The following SLC2A14 variants were observed in gnomAD, a reference collection of about 807,000 sequenced individuals.
SLC2A14 encodes solute carrier family 2, facilitated glucose transporter member 14.
Under a neutral mutation model 43.0 loss-of-function variants are expected in SLC2A14, and 13 were observed. That is an observed-to-expected ratio of 0.30 (90% CI 0.20 to 0.48). SLC2A14 has a LOEUF of 0.48. SLC2A14 is among the 20% of genes least tolerant of loss of function. The pLI is 0.99. For missense variants in SLC2A14, 428 were observed against 620.4 expected (o/e 0.69, Z 3.29); for synonymous variants, 190 against 233.8 (o/e 0.81, Z 1.71).
chr12:7,823,784 T>A lies in SLC2A14; in HGVS notation c.865-2459A>T, dbSNP rs1011674826. Among the ~76,000 whole-genome samples the A allele has an allele frequency of 9.9e-5, 15 of 152,204 alleles. No homozygotes were observed. In the East Asian group the frequency reaches 2.5e-3, roughly 26 times the overall value. On this transcript the variant is annotated intron_variant, in intron 7 of 10. Transcript: ENST00000431042. ...ACCTCAAGTTAACAAGGGAACATTATCTAGGTTACCCAGGTTCACTTCAGT... is the reference window on the plus strand; with the variant it reads ...ACCTCAAGTTAACAAGGGAACATTAACTAGGTTACCCAGGTTCACTTCAGT...
chr12:7,829,410 A>G (rs1864799971), intron 5 of SLC2A14, among the ~76,000 whole-genome samples: 1 of 151,724 alleles, frequency 6.6e-6, no homozygotes, highest in Non-Finnish European at 1.5e-5. Context: ...AAATACAAAA[A>G]TTAGCTGGAC....
At chr12:7,846,046 T>C (rs1047049991) in intron 2 of SLC2A14, among the ~76,000 whole-genome samples, 34 of 151,932 alleles carry the variant, frequency 2.2e-4, no homozygotes, top group African/African-American at 8.2e-4. Flanking sequence ...AGAGCTGAGA[T>C]GGTGCCACTG....
Position 7,818,398 on chromosome 12 carries a change from C to T in SLC2A14, c.1072-364G>A, listed in dbSNP as rs773605748. 2.2e-3 allele frequency among the ~76,000 whole-genome samples: 331 copies of T among 152,266 alleles called. 2 individuals carry two copies. Among genetic ancestry groups the T allele is most frequent in the African/African-American group, 7.1e-3 (297 of 41,566 alleles). ...TTTTTTGGCTGGGCACTGTGGCTCA[C>T]GCCTATAGTCCCAGCACTTTGGGAG... On this transcript the variant is annotated intron_variant, in intron 9 of 10. Coordinates refer to ENST00000431042, the MANE Select transcript of SLC2A14 (RefSeq NM_001286234.2).
chr12:7,844,430 A>G (rs772922816), intron 2 of SLC2A14, among the ~76,000 whole-genome samples: 2 of 152,198 alleles, frequency 1.3e-5, no homozygotes, highest in South Asian at 2.1e-4. Flanking sequence ...GCTATTATAA[A>G]CATTCCTGAT....
chr12:7,884,975 C>CA (rs1374662813), intron 1 of SLC2A14, among the ~76,000 whole-genome samples: 2 of 151,510 alleles, frequency 1.3e-5, no homozygotes, highest in African/African-American at 4.8e-5. Context: ...TTTCAGGAAC[C>CA]AAAAAACGAT....
chr12:7,821,825 CT>C (rs71038774), intron 7 of SLC2A14, among the ~76,000 whole-genome samples: 89 of 127,210 alleles, frequency 7.0e-4, no homozygotes, highest in South Asian at 1.2e-3. Context: ...GTATTTCTTT[CT>C]TTTTTTTTTT....
At chr12:7,849,281 T>C (rs978156315) in intron 2 of SLC2A14, among the ~76,000 whole-genome samples, 2 of 151,880 alleles carry the variant, frequency 1.3e-5, no homozygotes, top group East Asian at 3.9e-4. Context: ...GGTGGGAGGA[T>C]TGCTTGAGTC....
chr12:7,828,861 A>G lies in SLC2A14; in HGVS notation c.519T>C (p.Phe173=), dbSNP rs746013027. The G allele has an allele frequency of 3.7e-6, 6 of 1,613,158 alleles. No homozygotes were observed. In the South Asian group the frequency reaches 5.5e-5, roughly 15 times the overall value. ...CAGACCCAAGGATGAGTTCCAGACCAAAGATCTAGAAACCACACAAAGATA... is the reference window on the plus strand; with the variant it reads ...CAGACCCAAGGATGAGTTCCAGACCGAAGATCTAGAAACCACACAAAGATA... ...IVIGILVAQI[F]GLELILGSEE... Residue 173 remains phenylalanine (F), a synonymous_variant, in exon 6 of 11, where the codon TTT becomes TTC. Coordinates refer to ENST00000431042, the MANE Select transcript of SLC2A14 (RefSeq NM_001286234.2).
At chr12:7,860,875 C>T (rs1188778145) in intron 2 of SLC2A14, 1 of 152,298 alleles carries the variant, frequency 6.6e-6, no homozygotes. Context: ...TCACTGCAAC[C>T]TCTGCCTCCT....
At chr12:7,842,175 T>G (rs1866007858) in intron 2 of SLC2A14, among the ~76,000 whole-genome samples, 1 of 152,200 alleles carries the variant, frequency 6.6e-6, no homozygotes, top group African/African-American at 2.4e-5. Context: ...TTATTTCACT[T>G]AGTGATATTC....
intron 2 of SLC2A14, among the ~76,000 whole-genome samples, chr12:7,865,546 A>G (rs756013846): frequency 2.6e-5 from 4 of 152,102 alleles, no homozygotes; most frequent in Admixed American, 6.5e-5. Context: ...CAAAAAAAAA[A>G]ATGAAAATAA....
intron 2 of SLC2A14, chr12:7,839,849 G>A (rs1865777636): frequency 2.2e-6 from 1 of 447,640 alleles, no homozygotes; most frequent in East Asian, 7.1e-5. Context: ...CAAGGCGGGA[G>A]GATCGCTTGA....
At chr12:7,823,196 A>G (rs1431401259) in intron 7 of SLC2A14, among the ~76,000 whole-genome samples, 1 of 151,968 alleles carries the variant, frequency 6.6e-6, no homozygotes. Context: ...CAGCCTAGCC[A>G]ACATGGTGAA....
At chr12:7,843,311 G>A (rs1481341545) in intron 2 of SLC2A14, among the ~76,000 whole-genome samples, 2 of 149,446 alleles carry the variant, frequency 1.3e-5, no homozygotes, top group East Asian at 2.0e-4. Flanking sequence ...GGCATGGGAG[G>A]GGCACGCTGT....
At chr12:7,884,497 G>T (rs919426223) in intron 1 of SLC2A14, among the ~76,000 whole-genome samples, 4 of 152,082 alleles carry the variant, frequency 2.6e-5, no homozygotes, top group Non-Finnish European at 5.9e-5. Flanking sequence ...AATCAATTGG[G>T]ATAACTCACT....
intron 2 of SLC2A14, among the ~76,000 whole-genome samples, chr12:7,835,200 A>T (rs187474330): frequency 1.1e-4 from 17 of 152,186 alleles, no homozygotes; most frequent in Non-Finnish European, 2.4e-4. Context: ...CAGCCTGACC[A>T]GTATGGTGAA....
chr12:7,826,295 C>G (rs1225878779), intron 7 of SLC2A14, among the ~76,000 whole-genome samples: 1 of 151,046 alleles, frequency 6.6e-6, no homozygotes, highest in Non-Finnish European at 1.5e-5. Flanking sequence ...AGTGATATTC[C>G]CACCTCAACC....
chr12:7,866,177 A>G (rs1944895609), intron 2 of SLC2A14, among the ~76,000 whole-genome samples: 1 of 143,292 alleles, frequency 7.0e-6, no homozygotes, highest in Admixed American at 7.3e-5. Context: ...GTGAGCTGAG[A>G]TTGCACCACT....
Position 7,829,897 on chromosome 12 carries a change from T to G in SLC2A14, c.382A>C (p.Ile128Leu). ...VEMLILGRLV[I>L]GLFCGLCTGF... ...GTGCAGAGTCCGCAGAAGAGGCCAA[T>G]AACCAAGCGGCCCAGGATCAGCATT... Residue 128 changes from isoleucine (I) to leucine (L), a missense_variant, in exon 5 of 11, where the codon ATT (isoleucine) becomes CTT (leucine). By Grantham distance (5) the Ile-to-Leu change is conservative. Around this residue, in one of 4 missense-constraint regions of SLC2A14, gnomAD observed 185 missense variants for 275.4 expected, o/e 0.67. Transcript: ENST00000431042. The G allele has an allele frequency of 6.2e-7, 1 of 1,614,176 alleles. No homozygotes were observed. The highest frequency in any genetic ancestry group is 1.1e-5 in the South Asian group (1 of 91,084).
Sources: gnomAD v4.1 joint callset for allele counts (sites outside exome capture counted in the v4.1 genomes callset) on GRCh38, gnomAD v4.1.1 for gene constraint, gnomAD v4.1.1 regional missense constraint, MANE v1.5 for transcripts, NCBI Gene and HGNC (gene_info 2026-07-23, HGNC 2026-07-21) for gene names.